The following FBLN2 variants were observed in gnomAD, a reference collection of about 807,000 sequenced individuals.
The protein encoded by FBLN2 is fibulin-2.
FBLN2 carries 81 observed loss-of-function variants against 123.7 expected under a neutral mutation model. The observed-to-expected ratio is 0.65, with a 90% CI of 0.55 to 0.79. The LOEUF is 0.79. FBLN2 is among the 30% of genes least tolerant of loss of function. The pLI, the probability that FBLN2 is intolerant of heterozygous loss-of-function variation, is 0.00. For missense variants in FBLN2, 1,603 were observed against 1,681.3 expected (o/e 0.95, Z 0.81); for synonymous variants, 699 against 701.4 (o/e 1.00, Z 0.05).
intron 2 of FBLN2, among the ~76,000 whole-genome samples, chr3:13,578,648 A>G (rs1392881435): frequency 5.7e-5 from 4 of 69,652 alleles, no homozygotes; most frequent in Non-Finnish European, 1.1e-4. Flanking sequence ...GCAGCTATAT[A>G]TATTCATGTG....
intron 14 of FBLN2, among the ~76,000 whole-genome samples, chr3:13,630,327 T>C (rs1042082240): frequency 6.6e-6 from 1 of 152,238 alleles, no homozygotes; most frequent in Admixed American, 6.5e-5. Context: ...TGTGTGTTCA[T>C]GGTGCTGTTG....
intron 11 of FBLN2, among the ~76,000 whole-genome samples, chr3:13,628,309 G>A (rs74969191): frequency 4.6e-4 from 68 of 147,532 alleles, no homozygotes; most frequent in Middle Eastern, 3.5e-3. Flanking sequence ...TCATGACCTG[G>A]CACAGACATC....
At chr3:13,606,845 GT>G (rs1204172822) in intron 2 of FBLN2, among the ~76,000 whole-genome samples, 1 of 151,460 alleles carries the variant, frequency 6.6e-6, no homozygotes, top group Non-Finnish European at 1.5e-5. Context: ...TAGAGACGGA[GT>G]TTCTCCATGT....
At chr3:13,587,144 C>CAAAA (rs57120285) in intron 2 of FBLN2, among the ~76,000 whole-genome samples, 20 of 69,706 alleles carry the variant, frequency 2.9e-4, no homozygotes, top group Non-Finnish European at 4.4e-4. Flanking sequence ...GACTCCGTCT[C>CAAAA]AAAAAAAAAA....
chr3:13,619,647 GT>G, intron 7 of FBLN2, 82 bp from the exon 8 acceptor site: 1 of 1,165,298 alleles, frequency 8.6e-7, no homozygotes. Flanking sequence ...TCACTAGTAG[GT>G]TAGAGCCAGG....
At position 13,628,921 on chromosome 3, in the gene FBLN2, G is replaced by A. The variant is rs370055863; in HGVS notation, c.2586G>A (p.Thr862=). 22 of 1,612,904 alleles carry A rather than the reference G, an allele frequency of 1.4e-5. No homozygotes were observed. The highest frequency in any genetic ancestry group is 8.9e-5 in the East Asian group (4 of 44,848). ...EGNCVDINEC[T]SLSEPCRPGF... Reference sequence around the variant, plus strand: ...CCTCTGCAGACATCAACGAGTGCACGTCACTGTCCGAGCCATGTCGGCCAG... The same window carrying A: ...CCTCTGCAGACATCAACGAGTGCACATCACTGTCCGAGCCATGTCGGCCAG... The change falls in exon 12 of 18, where the codon ACG becomes ACA. Residue 862 remains threonine (T), a synonymous_variant. Transcript: ENST00000404922.
intron 2 of FBLN2, among the ~76,000 whole-genome samples, chr3:13,597,932 G>A (rs1051497704): frequency 3.3e-5 from 5 of 152,230 alleles, no homozygotes; most frequent in Non-Finnish European, 7.3e-5. Context: ...CTGAGTTGAG[G>A]CTGGGCTGTC....
At chr3:13,636,667 C>T (rs1706484449) in intron 17 of FBLN2, 99 bp downstream of exon 17, 1 of 1,420,736 alleles carries the variant, frequency 7.0e-7, no homozygotes. Flanking sequence ...TGATCACCTC[C>T]CTCTCGTCCC....
intron 2 of FBLN2, among the ~76,000 whole-genome samples, chr3:13,587,474 G>A (rs1034797435): frequency 1.3e-5 from 2 of 152,134 alleles, no homozygotes; most frequent in East Asian, 3.8e-4. Context: ...ACCCACGGCA[G>A]CATCCAGTCT....
At chr3:13,633,530 G>A (rs1033906284) in intron 16 of FBLN2, among the ~76,000 whole-genome samples, 5 of 152,258 alleles carry the variant, frequency 3.3e-5, no homozygotes, top group African/African-American at 1.2e-4. Flanking sequence ...CCATTTCACA[G>A]GTCACTCCAT....
intron 2 of FBLN2, among the ~76,000 whole-genome samples, chr3:13,599,713 G>A (rs1398026083): frequency 1.3e-5 from 2 of 151,828 alleles, no homozygotes; most frequent in Non-Finnish European, 2.9e-5. Flanking sequence ...GGGGATGAGG[G>A]ATTGGCCTGG....
At chr3:13,595,165 T>C (rs1188187965) in intron 2 of FBLN2, among the ~76,000 whole-genome samples, 1 of 152,138 alleles carries the variant, frequency 6.6e-6, no homozygotes, top group Non-Finnish European at 1.5e-5. Flanking sequence ...CTGCCAAGCC[T>C]GAGATCCGGC....
rs550207737 is a variant in FBLN2 at position 13,570,441 on chromosome 3, C to G, written c.86C>G (p.Pro29Arg). 2 of 1,572,844 alleles carry G rather than the reference C, an allele frequency of 1.3e-6. No individual in the cohort carries two copies. Among genetic ancestry groups the G allele is most frequent in the South Asian group, 2.3e-5 (2 of 85,874 alleles). Residue 29 changes from proline (P) to arginine (R), a missense_variant, in exon 2 of 18, where the codon CCT (proline) becomes CGT (arginine). Coordinates refer to ENST00000404922, the MANE Select transcript of FBLN2 (RefSeq NM_001004019.2). ...ALGPSVAAAAPRQDCTGVECP... is the reference protein window; with the variant it reads ...ALGPSVAAAARRQDCTGVECP... ...GGCCCCAGCGTGGCCGCAGCTGCCC[C>G]TCGGCAGGACTGCACGGGCGTGGAG...
rs1220808130 is a variant in FBLN2 at position 13,571,406 on chromosome 3, A to T, written c.1051A>T (p.Thr351Ser). ...GGATGCCCAAGCCACGTCCCGCAGC[A>T]CTGGGCCGGAGGGCGTGACGCATGC... ...ILDAQATSRS[T>S]GPEGVTHAPS... The change falls in exon 2 of 18, where the codon ACT becomes TCT. Residue 351 changes from threonine to serine, a missense_variant. Coordinates refer to ENST00000404922, the MANE Select transcript of FBLN2 (RefSeq NM_001004019.2). 1 of 1,612,938 alleles carries T rather than the reference A, an allele frequency of 6.2e-7. No individual in the cohort carries two copies. Among genetic ancestry groups the T allele is most frequent in the Admixed American group, 1.7e-5 (1 of 59,878 alleles).
In FBLN2 at chr3:13,637,840, A is replaced by C. The variant is rs1159049905; in HGVS notation, c.3617A>C (p.Glu1206Ala). The C allele has an allele frequency of 6.2e-7, 1 of 1,613,218 alleles. No individual in the cohort carries two copies. Among genetic ancestry groups the C allele is most frequent in the Admixed American group, 1.7e-5 (1 of 60,010 alleles). Residue 1206 changes from glutamate (E) to alanine (A), a missense_variant, in exon 18 of 18, where the codon GAG becomes GCG. Transcript: ENST00000404922. ...LEPRDFALDV[E>A]MKLWRQGSVT... ...CCCCGGGACTTTGCCCTGGACGTGGAGATGAAGCTCTGGAGGCAGGGCTCC... is the reference window on the plus strand; with the variant it reads ...CCCCGGGACTTTGCCCTGGACGTGGCGATGAAGCTCTGGAGGCAGGGCTCC...
intron 1 of FBLN2, among the ~76,000 whole-genome samples, chr3:13,557,690 C>G (rs1294526450): frequency 6.6e-6 from 1 of 152,244 alleles, no homozygotes; most frequent in East Asian, 1.9e-4. Flanking sequence ...TGACCTGTCA[C>G]TGTGGATGGG....
chr3:13,600,462 C>T (rs149080309), intron 2 of FBLN2, among the ~76,000 whole-genome samples: 16 of 152,162 alleles, frequency 1.1e-4, no homozygotes, highest in African/African-American at 3.4e-4. Flanking sequence ...AGCAGAGCCA[C>T]CTCTCGAGCT....
At chr3:13,594,768 A>AC in intron 2 of FBLN2, among the ~76,000 whole-genome samples, 1 of 151,862 alleles carries the variant, frequency 6.6e-6, no homozygotes, top group East Asian at 1.9e-4. Flanking sequence ...ACACAGAGGG[A>AC]CCCCAGAGCC....
At chr3:13,558,580 C>A (rs569095241) in intron 1 of FBLN2, among the ~76,000 whole-genome samples, 1 of 152,190 alleles carries the variant, frequency 6.6e-6, no homozygotes, top group East Asian at 1.9e-4. Context: ...TTCATCCCAT[C>A]CTCTCTGCCA....
Sources: gnomAD v4.1 joint callset for allele counts (sites outside exome capture counted in the v4.1 genomes callset) on GRCh38, gnomAD v4.1.1 for gene constraint, MANE v1.5 for transcripts, NCBI Gene and HGNC (gene_info 2026-07-23, HGNC 2026-07-21) for gene names.